LYST: variants seen among roughly 807,000 people sequenced by gnomAD.
The protein encoded by LYST is lysosomal trafficking regulator, also known as lysosomal-trafficking regulator.
Under a neutral mutation model 413.6 loss-of-function variants are expected in LYST, and 192 were observed. That is an observed-to-expected ratio of 0.46 (90% CI 0.41 to 0.52). The LOEUF is 0.52. LYST is among the 20% of genes least tolerant of loss of function. The probability of loss-of-function intolerance (pLI) is 0.00; values close to 1 mark genes in which losing one functional copy is unlikely to be tolerated. For missense variants in LYST, 3,815 were observed against 4,499.9 expected (o/e 0.85, Z 4.35); for synonymous variants, 1,525 against 1,567.3 (o/e 0.97, Z 0.64).
At chr1:235,718,720 C>T in intron 40 of LYST, among the ~76,000 whole-genome samples, 1 of 152,142 alleles carries the variant, frequency 6.6e-6, no homozygotes, top group East Asian at 1.9e-4. Flanking sequence ...ATTCCCTCAT[C>T]AACTAGGACT....
At chr1:235,729,797 C>A in intron 36 of LYST, 140 bp from the exon 37 acceptor site, 1 of 666,058 alleles carries the variant, frequency 1.5e-6, no homozygotes, top group Non-Finnish European at 2.7e-6. Context: ...TTGTCGAAAC[C>A]CACATGAAAA....
chr1:235,784,916 T>C (rs1670260526), intron 14 of LYST, among the ~76,000 whole-genome samples: 1 of 152,232 alleles, frequency 6.6e-6, no homozygotes, highest in African/African-American at 2.4e-5. Context: ...AACATGGAAA[T>C]TAGGCTTCAA....
intron 15 of LYST, 70 bp from the exon 16 acceptor site, chr1:235,781,125 A>G: frequency 1.1e-6 from 1 of 943,766 alleles, no homozygotes; most frequent in South Asian, 1.4e-5. Flanking sequence ...AAAGCAAGAA[A>G]CCAGGAATTA....
upstream of LYST, among the ~76,000 whole-genome samples, chr1:235,870,476 G>A (rs1186469315): frequency 6.6e-6 from 1 of 152,136 alleles, no homozygotes; most frequent in African/African-American, 2.4e-5. Flanking sequence ...ATCTCCCACC[G>A]TGTGGCTGCG....
chr1:235,773,232 T>A (rs966557239), intron 19 of LYST, among the ~76,000 whole-genome samples: 10 of 151,458 alleles, frequency 6.6e-5, no homozygotes, highest in African/African-American at 2.4e-4. Context: ...GGTAGGAGTA[T>A]CATCTGAGCC....
chr1:235,850,774 A>C (rs1223413360), intron 1 of LYST, among the ~76,000 whole-genome samples: 1 of 152,226 alleles, frequency 6.6e-6, no homozygotes, highest in Non-Finnish European at 1.5e-5. Context: ...ATATGAAAAA[A>C]TGCTCAACAT....
chr1:235,846,472 AC>A (rs781769717), intron 1 of LYST, among the ~76,000 whole-genome samples: 1 of 151,622 alleles, frequency 6.6e-6, no homozygotes, highest in African/African-American at 2.4e-5. Context: ...GCTCTTCAAC[AC>A]CCCCCCAAAA....
chr1:235,755,921 G>A (rs1666996182), intron 24 of LYST, among the ~76,000 whole-genome samples: 2 of 152,078 alleles, frequency 1.3e-5, no homozygotes, highest in South Asian at 4.1e-4. Context: ...TAGACTGGCA[G>A]CCTTAGTTGA....
At chr1:235,765,592 C>T (rs890578327) in intron 21 of LYST, among the ~76,000 whole-genome samples, 3 of 152,130 alleles carry the variant, frequency 2.0e-5, no homozygotes, top group Non-Finnish European at 4.4e-5. Context: ...TACAGATCCC[C>T]TATATATAGG....
chr1:235,852,247 A>G lies in LYST; in HGVS notation c.-98+14596T>C, dbSNP rs182820459. On this transcript the variant is annotated intron_variant, in intron 1 of 52. Transcript: ENST00000389793. Reference sequence around the variant, plus strand: ...AATCTTAGTAACAACTCATGCCTCAATGGGAAAATGAATTCAGAGTTCCAA... The same window carrying G: ...AATCTTAGTAACAACTCATGCCTCAGTGGGAAAATGAATTCAGAGTTCCAA... Among the ~76,000 whole-genome samples, 10 of 152,326 alleles carry G rather than the reference A, an allele frequency of 6.6e-5. No individual in the cohort carries two copies. In the East Asian group the frequency reaches 1.3e-3, roughly 21 times the overall value.
intron 5 of LYST, 32 bp downstream of exon 5, chr1:235,808,423 C>T (rs1205378854): frequency 6.2e-7 from 1 of 1,604,748 alleles, no homozygotes; most frequent in Non-Finnish European, 8.5e-7. Flanking sequence ...TCAACAACCC[C>T]CGCCCCCGCC....
rs775761746 is a variant in LYST at position 235,677,449 on chromosome 1, CTA to C, written c.10940+29_10940+30del. On this transcript the variant is annotated intron_variant, in intron 49 of 52. Transcript: ENST00000389793. ...AGTAAAAATGGATATATTAAAAATG[CTA>C]TGTTTGATTTGGAGACCTTCTTCTG... The C allele has an allele frequency of 6.9e-5, 111 of 1,609,210 alleles. 1 individual carries two copies. In the East Asian group the frequency reaches 2.4e-3, roughly 35 times the overall value.
At chr1:235,813,901 G>C (rs942102492) in intron 3 of LYST, among the ~76,000 whole-genome samples, 7 of 152,174 alleles carry the variant, frequency 4.6e-5, no homozygotes, top group African/African-American at 1.2e-4. Context: ...GGGGTCGCAT[G>C]ATGACACAAT....
Position 235,752,142 on chromosome 1 carries a change from G to A in LYST, c.7490C>T (p.Ala2497Val), listed in dbSNP as rs1353423749. The A allele has an allele frequency of 1.9e-6, 3 of 1,611,208 alleles. No homozygotes were observed. Among genetic ancestry groups the A allele is most frequent in the Non-Finnish European group, 2.5e-6 (3 of 1,177,932 alleles). ...NIPMSEYKLL[A>V]CDIQQLFIAV... The stretch of plus-strand genomic sequence containing the variant: ...TATGAAAAGTTGCTGTATATCACAA[G>A]CAAGCAATTTATATTCACTCATGGG... The change falls in exon 27 of 53, where the codon GCT becomes GTT. Residue 2497 changes from alanine to valine, a missense_variant. By Grantham distance (64) the Ala-to-Val change is moderately conservative. This residue lies in a region of LYST where 771 missense variants were observed against 837.1 expected (regional missense o/e 0.92). Coordinates refer to ENST00000389793, the MANE Select transcript of LYST (RefSeq NM_000081.4).
At position 235,697,214 on chromosome 1, in the gene LYST, G is replaced by A. The variant is rs201295320; in HGVS notation, c.10433C>T (p.Ala3478Val). The part of the protein sequence containing the change: ...KWGEYVGSPS[A>V]PVPVVCFSQP... The stretch of plus-strand genomic sequence containing the variant: ...GCTGAAGCAGACCACAGGTACTGGA[G>A]CACTGGGGGAACCCACGTATTCCCC... The change falls in exon 46 of 53, where the codon GCT becomes GTT. Residue 3478 changes from alanine to valine, a missense_variant. Physicochemically the swap from Ala to Val is moderately conservative, Grantham distance 64. Around this residue, in one of 4 missense-constraint regions of LYST, gnomAD observed 866 missense variants for 1,156.0 expected, o/e 0.75. Coordinates refer to ENST00000389793, the MANE Select transcript of LYST (RefSeq NM_000081.4). The A allele has an allele frequency of 6.8e-6, 11 of 1,614,098 alleles. No individual in the cohort carries two copies. The East Asian group carries it at 2.5e-4, about 36-fold the overall frequency.
intron 20 of LYST, among the ~76,000 whole-genome samples, chr1:235,767,008 T>C (rs1668211360): frequency 6.6e-6 from 1 of 152,088 alleles, no homozygotes; most frequent in Non-Finnish European, 1.5e-5. Flanking sequence ...AAACCACACA[T>C]AAAATATGTA....
intron 1 of LYST, among the ~76,000 whole-genome samples, chr1:235,861,570 G>GA (rs1679872103): frequency 1.3e-5 from 2 of 152,178 alleles, no homozygotes; most frequent in South Asian, 4.1e-4. Context: ...TATTTAGGTT[G>GA]AAAATCCATT....
At chr1:235,853,932 G>C (rs995905067) in intron 1 of LYST, among the ~76,000 whole-genome samples, 1 of 152,038 alleles carries the variant, frequency 6.6e-6, no homozygotes, top group African/African-American at 2.4e-5. Context: ...CCTGAGCACC[G>C]CAAAAGGGTA....
intron 38 of LYST, among the ~76,000 whole-genome samples, chr1:235,726,589 A>G (rs997440739): frequency 2.0e-5 from 3 of 152,204 alleles, no homozygotes; most frequent in African/African-American, 2.4e-5. Flanking sequence ...AAGAACCAAC[A>G]TTACAAAAGT....
Sources: allele counts gnomAD v4.1 joint callset (sites outside exome capture counted in the v4.1 genomes callset), GRCh38; gene constraint gnomAD v4.1.1; regional missense constraint gnomAD v4.1.1; transcripts MANE v1.5; gene names NCBI Gene and HGNC (gene_info 2026-07-23, HGNC 2026-07-21).